PATJ: variants seen among roughly 807,000 people sequenced by gnomAD.
The protein encoded by PATJ is PATJ crumbs cell polarity complex component.
PATJ carries 190 observed loss-of-function variants against 224.9 expected under a neutral mutation model. The observed-to-expected ratio is 0.84, with a 90% CI of 0.75 to 0.95. The LOEUF (loss-of-function observed/expected upper bound fraction) is 0.95. Ranked by LOEUF, PATJ falls within the 40% of genes least tolerant of loss-of-function variation. The probability of loss-of-function intolerance (pLI) is 0.00; values close to 1 mark genes in which losing one functional copy is unlikely to be tolerated. For missense variants in PATJ, 2,121 were observed against 2,270.3 expected (o/e 0.93, Z 1.34); for synonymous variants, 769 against 820.3 (o/e 0.94, Z 1.07).
At chr1:62,144,134 C>T (rs1438686696) in intron 41 of PATJ, among the ~76,000 whole-genome samples, 1 of 152,138 alleles carries the variant, frequency 6.6e-6, no homozygotes, top group Non-Finnish European at 1.5e-5. Flanking sequence ...TTTAATCTTT[C>T]GTCCTAAATA....
At position 61,954,245 on chromosome 1, in the gene PATJ, T is replaced by C. The variant is rs138555913; in HGVS notation, c.3670+26416T>C. Among the ~76,000 whole-genome samples, 821 of 152,352 alleles carry C rather than the reference T, an allele frequency of 5.4e-3. 5 individuals are homozygous for C. The highest frequency in any genetic ancestry group is 0.027 in the Middle Eastern group (8 of 294). On this transcript the variant is annotated intron_variant, in intron 27 of 43. Transcript: ENST00000642238. ...TTATGACTTAGTCTATCTTATATTATGTTCACTGCTTTGGCATTCAGTCAA... is the reference window on the plus strand; with the variant it reads ...TTATGACTTAGTCTATCTTATATTACGTTCACTGCTTTGGCATTCAGTCAA...
At chr1:62,101,865 G>A (rs947699235) in intron 33 of PATJ, among the ~76,000 whole-genome samples, 1 of 152,068 alleles carries the variant, frequency 6.6e-6, no homozygotes, top group Non-Finnish European at 1.5e-5. Context: ...CTCTTGAGTT[G>A]GCAAGTCAAA....
rs112324890 is a variant in PATJ, at chr1:62,135,605, T to C, written c.5271+6660T>C. On this transcript the variant is annotated intron_variant, in intron 41 of 43. Coordinates refer to ENST00000642238, the MANE Select transcript of PATJ (RefSeq NM_001350145.3). ...AGGACAAAGACCCAAGGTTTGAAAG[T>C]TGAAATGAACACCTAGCCCAAGTTA... Among the ~76,000 whole-genome samples the C allele has an allele frequency of 2.0e-3, 295 of 151,006 alleles. 2 individuals are homozygous for C. The highest frequency in any genetic ancestry group is 6.6e-3 in the African/African-American group (271 of 40,996).
At chr1:61,887,410 A>G (rs1026177710) in intron 22 of PATJ, among the ~76,000 whole-genome samples, 1 of 152,196 alleles carries the variant, frequency 6.6e-6, no homozygotes. Flanking sequence ...ATTATTTACT[A>G]CTAAGAGTGA....
chr1:61,948,786 C>A (rs1679162827), intron 27 of PATJ, among the ~76,000 whole-genome samples: 1 of 152,000 alleles, frequency 6.6e-6, no homozygotes, highest in Non-Finnish European at 1.5e-5. Context: ...GTGGCACTAT[C>A]CACAATAGCA....
intron 30 of PATJ, among the ~76,000 whole-genome samples, chr1:62,045,811 C>T (rs946783181): frequency 6.6e-6 from 1 of 152,188 alleles, no homozygotes; most frequent in African/African-American, 2.4e-5. Flanking sequence ...TTTTCCCTTT[C>T]CCATATCAGA....
At chr1:62,053,350 G>A (rs1171367239) in intron 31 of PATJ, among the ~76,000 whole-genome samples, 1 of 152,190 alleles carries the variant, frequency 6.6e-6, no homozygotes, top group South Asian at 2.1e-4. Context: ...GCATGTTCTA[G>A]TTCAGAAAGG....
At chr1:61,795,422 T>C (rs778929754) in intron 9 of PATJ, 45 bp from the exon 10 acceptor site, 12 of 1,205,888 alleles carry the variant, frequency 1.0e-5, no homozygotes, top group Non-Finnish European at 1.4e-5. Context: ...AATCAAGGCC[T>C]AATTAGAATT....
chr1:61,895,216 G>A lies in PATJ; in HGVS notation c.3132-4367G>A, dbSNP rs190414827. Among the ~76,000 whole-genome samples the A allele has an allele frequency of 5.0e-3, 765 of 152,316 alleles. 3 individuals are homozygous for A. Among genetic ancestry groups the A allele is most frequent in the Admixed American group, 8.4e-3 (128 of 15,298 alleles). Reference sequence around the variant, plus strand: ...TAGAAAATTTGCAGCCTGACCATGTGGTAGAAAAGAAAAACCCATTTTCTG... The same window carrying A: ...TAGAAAATTTGCAGCCTGACCATGTAGTAGAAAAGAAAAACCCATTTTCTG... On this transcript the variant is annotated intron_variant, in intron 22 of 43. Transcript: ENST00000642238.
chr1:61,795,490 A>C lies in PATJ; in HGVS notation c.1192A>C (p.Lys398Gln), dbSNP rs751963809. ...HTGEASGIYV[K>Q]SIIPGSAAYH... Reference sequence around the variant, plus strand: ...AGGGGAAGCTTCAGGGATTTATGTGAAAAGTATAATACCTGGCAGTGCTGC... The same window carrying C: ...AGGGGAAGCTTCAGGGATTTATGTGCAAAGTATAATACCTGGCAGTGCTGC... Residue 398 changes from lysine to glutamine, a missense_variant, in exon 10 of 44, where the codon AAA becomes CAA. Physicochemically the swap from Lys to Gln is moderately conservative, Grantham distance 53. Coordinates refer to ENST00000642238, the MANE Select transcript of PATJ (RefSeq NM_001350145.3). The C allele has an allele frequency of 6.2e-7, 1 of 1,604,526 alleles. No homozygotes were observed. Among genetic ancestry groups the C allele is most frequent in the Non-Finnish European group, 8.5e-7 (1 of 1,173,912 alleles).
intron 28 of PATJ, among the ~76,000 whole-genome samples, chr1:62,000,341 TC>T (rs1423430964): frequency 2.0e-5 from 2 of 100,634 alleles, no homozygotes; most frequent in African/African-American, 8.0e-5. Context: ...ATGCTATGCC[TC>T]CCCCCTCCCC....
At chr1:61,769,829 A>C (rs1458936699) in intron 5 of PATJ, among the ~76,000 whole-genome samples, 1 of 152,166 alleles carries the variant, frequency 6.6e-6, no homozygotes, top group Non-Finnish European at 1.5e-5. Flanking sequence ...CTCATTCTGC[A>C]TATTATATTG....
intron 30 of PATJ, among the ~76,000 whole-genome samples, chr1:62,045,870 C>G (rs60347128): frequency 0.035 from 5,390 of 152,148 alleles, 318 homozygotes; most frequent in African/African-American, 0.12. Context: ...TTTGAAGACT[C>G]CTTACCTCAT....
chr1:62,148,265 T>G lies in PATJ; in HGVS notation c.5272-19T>G. The G allele has an allele frequency of 6.4e-7, 1 of 1,572,148 alleles. No individual in the cohort carries two copies. Among genetic ancestry groups the G allele is most frequent in the Non-Finnish European group, 8.8e-7 (1 of 1,141,806 alleles). ...CCCCTTCTTTATAATGAAATACCTT[T>G]TTTTCACTTTTTCCCCAGGTTGTAG... On this transcript the variant is annotated intron_variant, in intron 41 of 43. Transcript: ENST00000642238.
chr1:61,901,415 G>T lies in PATJ; in HGVS notation c.3337G>T (p.Ala1113Ser). 6.3e-7 allele frequency: 1 copy of T among 1,585,922 alleles called. No homozygotes were observed. Among genetic ancestry groups the T allele is most frequent in the Non-Finnish European group, 8.5e-7 (1 of 1,170,748 alleles). ...FIKQVLEDSP[A>S]GKTNALKTGD... is the part of the protein sequence containing the mutation. ...CAAACAAGTTTTAGAAGACAGTCCA[G>T]CAGGGAAGACGAACGCACTTAAAAC... The change falls in exon 24 of 44, where the codon GCA becomes TCA. Residue 1113 changes from alanine to serine, a missense_variant. Transcript: ENST00000642238.
At chr1:61,823,399 C>T (rs763196385) in intron 15 of PATJ, among the ~76,000 whole-genome samples, 1 of 152,186 alleles carries the variant, frequency 6.6e-6, no homozygotes, top group Non-Finnish European at 1.5e-5. Context: ...CATTTATTTG[C>T]AGGTTTTATT....
At chr1:62,054,267 G>A (rs141417990) in intron 31 of PATJ, 7 of 359,878 alleles carry the variant, frequency 1.9e-5, no homozygotes, top group African/African-American at 4.2e-5. Flanking sequence ...AGAGGCTGAA[G>A]TGGGAGGATT....
chr1:62,022,613 C>A (rs1306561443), intron 29 of PATJ, among the ~76,000 whole-genome samples: 2 of 152,172 alleles, frequency 1.3e-5, no homozygotes, highest in East Asian at 3.8e-4. Flanking sequence ...GATTAATGAT[C>A]TTGCCTGCAG....
intron 33 of PATJ, among the ~76,000 whole-genome samples, chr1:62,107,991 T>G (rs1663313920): frequency 6.6e-6 from 1 of 152,206 alleles, no homozygotes; most frequent in Non-Finnish European, 1.5e-5. Flanking sequence ...ACCCATTCAT[T>G]CCACTAAGTT....
Sources: allele counts gnomAD v4.1 joint callset (sites outside exome capture counted in the v4.1 genomes callset), GRCh38; gene constraint gnomAD v4.1.1; transcripts MANE v1.5; gene names NCBI Gene and HGNC (gene_info 2026-07-23, HGNC 2026-07-21).